Variants in LRFN5 observed in about 807,000 individuals in gnomAD.
LRFN5 encodes the protein leucine-rich repeat and fibronectin type-III domain-containing protein 5.
A neutral mutation model predicts 45.6 loss-of-function variants in LRFN5; 24 were observed. The ratio of observed to expected loss-of-function variants is 0.53; its 90% CI spans 0.38 to 0.74. The LOEUF is 0.74. LRFN5 is among the 30% of genes least tolerant of loss of function. The pLI is 0.00. For missense variants in LRFN5, 776 were observed against 861.5 expected, an observed-to-expected ratio of 0.90 and a Z score of 1.24; for synonymous variants, 340 against 313.8, an observed-to-expected ratio of 1.08 and a Z score of -0.88.
intron 1 of LRFN5, among the ~76,000 whole-genome samples, chr14:41,723,714 T>C (rs1018189272): frequency 2.6e-5 from 4 of 152,076 alleles, no homozygotes; most frequent in African/African-American, 4.8e-5. Context: ...GTCCCAGGCC[T>C]GTGACCATGG....
chr14:41,858,253 T>G (rs2139091701), intron 2 of LRFN5, among the ~76,000 whole-genome samples: 1 of 152,174 alleles, frequency 6.6e-6, no homozygotes, highest in East Asian at 1.9e-4. Flanking sequence ...ATCGTAACCC[T>G]TTACCACTCT....
intron 1 of LRFN5, among the ~76,000 whole-genome samples, chr14:41,675,299 C>T (rs539917363): frequency 3.6e-4 from 55 of 152,216 alleles, no homozygotes; most frequent in Non-Finnish European, 6.2e-4. Flanking sequence ...CCACTGTGCT[C>T]CAGTCTGGGC....
intron 1 of LRFN5, among the ~76,000 whole-genome samples, chr14:41,661,627 G>T (rs999031737): frequency 6.6e-6 from 1 of 152,030 alleles, no homozygotes; most frequent in African/African-American, 2.4e-5. Flanking sequence ...CCGCTGATTA[G>T]CAGTGGTGGC....
intron 1 of LRFN5, among the ~76,000 whole-genome samples, chr14:41,629,975 A>T (rs1888479088): frequency 6.6e-6 from 1 of 152,134 alleles, no homozygotes; most frequent in African/African-American, 2.4e-5. Context: ...TTTACATATG[A>T]GACAGTCACT....
chr14:41,892,199 T>C (rs905360527), intron 4 of LRFN5: 1 of 985,082 alleles, frequency 1.0e-6, no homozygotes, highest in Non-Finnish European at 1.2e-6. Context: ...AATTTATAAT[T>C]TCTTTTTCAT....
chr14:41,868,346 C>A (rs1225646106), intron 2 of LRFN5, among the ~76,000 whole-genome samples: 4 of 152,116 alleles, frequency 2.6e-5, no homozygotes, highest in South Asian at 4.2e-4. Context: ...CAAAAAGTTA[C>A]CGTATTGAGT....
chr14:41,879,027 A>AT (rs929528033), intron 2 of LRFN5, among the ~76,000 whole-genome samples: 48 of 151,254 alleles, frequency 3.2e-4, no homozygotes, highest in East Asian at 5.8e-4. Flanking sequence ...AATTTATATG[A>AT]TTTTTTTTTC....
intron 1 of LRFN5, among the ~76,000 whole-genome samples, chr14:41,628,114 A>G (rs1320946530): frequency 6.6e-6 from 1 of 152,090 alleles, no homozygotes; most frequent in Non-Finnish European, 1.5e-5. Context: ...CTAGGAAGAG[A>G]CTGTTCTGTA....
rs970613139 is a variant in LRFN5, at chr14:41,892,121, G to C, written c.2098+159G>C. ...TATGAATGTGATGTTTATTCAGTCT[G>C]ACTGTTCTGATGGTCATAGTGGAAA... is the stretch of plus-strand genomic sequence containing the variant. On this transcript the variant is annotated intron_variant, in intron 4 of 5. Coordinates refer to ENST00000298119, the MANE Select transcript of LRFN5 (RefSeq NM_152447.5). The C allele has an allele frequency of 1.8e-5, 18 of 985,232 alleles. No homozygotes were observed. In the African/African-American group the frequency reaches 3.0e-4, roughly 16 times the overall value. 61.0% of individuals were successfully genotyped at this position (985,232 alleles called of 1,614,324 possible).
chr14:41,750,522 A>G (rs1885087193), intron 1 of LRFN5, among the ~76,000 whole-genome samples: 1 of 152,016 alleles, frequency 6.6e-6, no homozygotes, highest in African/African-American at 2.4e-5. Flanking sequence ...GTATGTAACA[A>G]AGCTTTGAAA....
intron 2 of LRFN5, among the ~76,000 whole-genome samples, chr14:41,823,097 G>A (rs985518595): frequency 1.3e-5 from 2 of 151,786 alleles, no homozygotes; most frequent in African/African-American, 4.8e-5. Context: ...AATCCATTCT[G>A]CTCATCTATA....
chr14:41,898,874 TA>T (rs752743703), intron 4 of LRFN5, 42 bp from the exon 5 acceptor site: 88 of 1,568,008 alleles, frequency 5.6e-5, no homozygotes, highest in Non-Finnish European at 1.7e-5. Flanking sequence ...CTATTTCTTT[TA>T]AAAAAATGAA....
chr14:41,656,279 G>A (rs1049884481), intron 1 of LRFN5, among the ~76,000 whole-genome samples: 7 of 151,962 alleles, frequency 4.6e-5, no homozygotes, highest in African/African-American at 1.4e-4. Flanking sequence ...CAAAGTATGA[G>A]TTATTGCAGT....
intron 1 of LRFN5, among the ~76,000 whole-genome samples, chr14:41,761,921 C>T (rs558919931): frequency 6.6e-6 from 1 of 151,976 alleles, no homozygotes; most frequent in East Asian, 1.9e-4. Flanking sequence ...AATTTTACAA[C>T]CACTATCTAC....
At chr14:41,705,576 A>G (rs910423965) in intron 1 of LRFN5, among the ~76,000 whole-genome samples, 5 of 152,138 alleles carry the variant, frequency 3.3e-5, no homozygotes, top group African/African-American at 7.2e-5. Context: ...CATTGTATAG[A>G]CTGTTTTATG....
At chr14:41,851,217 A>C (rs951172244) in intron 2 of LRFN5, among the ~76,000 whole-genome samples, 7 of 151,734 alleles carry the variant, frequency 4.6e-5, no homozygotes, top group Non-Finnish European at 1.0e-4. Context: ...GCATCTGAAA[A>C]CACATGCTAT....
chr14:41,832,569 G>C (rs1888522803), intron 2 of LRFN5, among the ~76,000 whole-genome samples: 1 of 152,166 alleles, frequency 6.6e-6, no homozygotes. Context: ...GTCATTAGGG[G>C]TAATCATGAG....
intron 4 of LRFN5, among the ~76,000 whole-genome samples, chr14:41,897,925 G>A (rs1388385827): frequency 6.6e-6 from 1 of 151,974 alleles, no homozygotes; most frequent in Admixed American, 6.6e-5. Flanking sequence ...TTCTGCTCTA[G>A]AATATGTCTA....
intron 5 of LRFN5, among the ~76,000 whole-genome samples, chr14:41,900,502 A>G (rs1226250375): frequency 2.0e-5 from 3 of 152,132 alleles, no homozygotes; most frequent in African/African-American, 4.8e-5. Flanking sequence ...TTAGTATTAC[A>G]AAAAATAAGA....
Sources: gnomAD v4.1 joint callset for allele counts (sites outside exome capture counted in the v4.1 genomes callset) on GRCh38, gnomAD v4.1.1 for gene constraint, MANE v1.5 for transcripts, NCBI Gene and HGNC (gene_info 2026-07-23, HGNC 2026-07-21) for gene names.